The following GABRA3 variants were observed in gnomAD, a reference collection of about 807,000 sequenced individuals.
GABRA3 encodes the protein gamma-aminobutyric acid type A receptor subunit alpha3.
A neutral mutation model predicts 30.1 loss-of-function variants in GABRA3; 10 were observed. The observed-to-expected ratio is 0.33, with a 90% CI of 0.20 to 0.56. GABRA3 has a LOEUF of 0.56. GABRA3 is among the 20% of genes least tolerant of loss of function. GABRA3 has a pLI of 0.89. For missense variants in GABRA3, 233 were observed against 392.0 expected (o/e 0.59, Z 3.42); for synonymous variants, 151 against 146.8 (o/e 1.03, Z -0.21).
intron 1 of GABRA3, among the ~76,000 whole-genome samples, chrX:152,388,086 C>T (rs1247652153): frequency 8.9e-6 from 1 of 111,935 alleles, no homozygotes; most frequent in Non-Finnish European, 1.9e-5. Context: ...GTCGTTGATA[C>T]ATCTAAATAT....
intron 1 of GABRA3, among the ~76,000 whole-genome samples, chrX:152,437,705 C>A (rs1930810725): frequency 9.0e-6 from 1 of 111,594 alleles, no homozygotes; most frequent in Non-Finnish European, 1.9e-5. Context: ...AATAGATAGA[C>A]CCACATGAAT....
At chrX:152,388,870 ACT>A (rs766351446) in intron 1 of GABRA3, among the ~76,000 whole-genome samples, 30 of 112,118 alleles carry the variant, frequency 2.7e-4, no homozygotes, top group Non-Finnish European at 5.4e-4. Flanking sequence ...CACTCAAACA[ACT>A]CTGCCACATT....
intron 3 of GABRA3, among the ~76,000 whole-genome samples, chrX:152,306,674 A>T: frequency 8.9e-6 from 1 of 112,096 alleles, no homozygotes. Context: ...TGTCTTTGTT[A>T]AAGTTTTCTT....
At chrX:152,406,344 G>A (rs1324270169) in intron 1 of GABRA3, among the ~76,000 whole-genome samples, 3 of 109,275 alleles carry the variant, frequency 2.7e-5, no homozygotes, top group African/African-American at 6.7e-5. Context: ...AATTCACTTC[G>A]CCTGTAGAGA....
chrX:152,274,524 T>C (rs903861934), intron 4 of GABRA3, among the ~76,000 whole-genome samples: 2 of 111,381 alleles, frequency 1.8e-5, no homozygotes, highest in Non-Finnish European at 3.8e-5. Context: ...AAAAGTTTTA[T>C]AGTTGGAAAT....
At chrX:152,383,388 CAAAAAAAA>C (rs34736587) in intron 1 of GABRA3, among the ~76,000 whole-genome samples, 2 of 35,459 alleles carry the variant, frequency 5.6e-5, no homozygotes, top group Non-Finnish European at 9.6e-5. Flanking sequence ...GACTCCATCT[CAAAAAAAA>C]AAAAAAAAAA....
chrX:152,227,701 T>C (rs1179224220), intron 5 of GABRA3, among the ~76,000 whole-genome samples: 1 of 108,841 alleles, frequency 9.2e-6, no homozygotes, highest in Admixed American at 9.9e-5. Flanking sequence ...AACTAAGGAT[T>C]CTATTTACCT....
At chrX:152,286,283 C>A (rs1235229278) in intron 3 of GABRA3, among the ~76,000 whole-genome samples, 1 of 108,456 alleles carries the variant, frequency 9.2e-6, no homozygotes, top group Non-Finnish European at 1.9e-5. Context: ...TACTTACCCC[C>A]ACTGCAGCCC....
intron 3 of GABRA3, among the ~76,000 whole-genome samples, chrX:152,308,494 C>T (rs1939753051): frequency 8.9e-6 from 1 of 112,325 alleles, no homozygotes; most frequent in Middle Eastern, 4.2e-3. Flanking sequence ...GGCCTGGTCT[C>T]AGCCCTCCAG....
chrX:152,293,418 T>C (rs1163789512), intron 3 of GABRA3, among the ~76,000 whole-genome samples: 2 of 111,286 alleles, frequency 1.8e-5, no homozygotes. Context: ...TGTTAGATCT[T>C]TCTCCATCCC....
chrX:152,448,281 C>T (rs1308462386), intron 1 of GABRA3, among the ~76,000 whole-genome samples: 1 of 112,176 alleles, frequency 8.9e-6, no homozygotes, highest in Admixed American at 9.4e-5. Context: ...AATCACAATT[C>T]GCATTTTAAC....
intron 1 of GABRA3, among the ~76,000 whole-genome samples, chrX:152,404,991 T>C (rs1305301781): frequency 9.2e-6 from 1 of 108,488 alleles, no homozygotes; most frequent in East Asian, 2.9e-4. Flanking sequence ...AAAGCAACTT[T>C]ATAGGAAAAA....
intron 6 of GABRA3, among the ~76,000 whole-genome samples, chrX:152,215,039 T>G (rs1206371034): frequency 1.2e-5 from 1 of 81,936 alleles, no homozygotes; most frequent in East Asian, 3.4e-4. Flanking sequence ...TGTGTATGGA[T>G]ATATATATAT....
chrX:152,448,357 C>A (rs1931139481), intron 1 of GABRA3, among the ~76,000 whole-genome samples: 1 of 112,358 alleles, frequency 8.9e-6, no homozygotes, highest in Non-Finnish European at 1.9e-5. Flanking sequence ...ATTTCCGAAG[C>A]CTCTCATAAC....
intron 1 of GABRA3, among the ~76,000 whole-genome samples, chrX:152,395,107 T>C (rs1325732192): frequency 1.8e-5 from 2 of 110,067 alleles, no homozygotes; most frequent in African/African-American, 6.6e-5. Context: ...AAGATGACAG[T>C]GGTACAAAAA....
chrX:152,326,378 G>C (rs1026828088), intron 3 of GABRA3, among the ~76,000 whole-genome samples: 2 of 110,985 alleles, frequency 1.8e-5, no homozygotes, highest in East Asian at 2.8e-4. Context: ...TCCTTGAGAA[G>C]AGCAACCCCA....
intron 4 of GABRA3, 88 bp downstream of exon 4, chrX:152,284,580 A>G: frequency 1.7e-6 from 1 of 594,483 alleles, no homozygotes; most frequent in Non-Finnish European, 2.6e-6. Context: ...CTTAGAATAT[A>G]GCTACAAGGC....
chrX:152,369,860 T>C (rs1424511607), intron 1 of GABRA3, among the ~76,000 whole-genome samples: 2 of 111,558 alleles, frequency 1.8e-5, no homozygotes, highest in Non-Finnish European at 3.8e-5. Context: ...TAATGAGTAC[T>C]TAATAAATAC....
At chrX:152,316,723 C>A (rs962420797) in intron 3 of GABRA3, among the ~76,000 whole-genome samples, 1 of 111,897 alleles carries the variant, frequency 8.9e-6, no homozygotes, top group Non-Finnish European at 1.9e-5. Flanking sequence ...TTAAACAAAA[C>A]AATTATCAGC....
Sources: allele counts gnomAD v4.1 joint callset (sites outside exome capture counted in the v4.1 genomes callset), GRCh38; gene constraint gnomAD v4.1.1; transcripts MANE v1.5; gene names NCBI Gene and HGNC (gene_info 2026-07-23, HGNC 2026-07-21).